The following SRSF12 variants were observed in gnomAD, a reference collection of about 807,000 sequenced individuals.
SRSF12 encodes the protein serine/arginine-rich splicing factor 12.
Under a neutral mutation model 34.1 loss-of-function variants are expected in SRSF12, and 21 were observed. The observed-to-expected ratio is 0.62, with a 90% confidence interval of 0.44 to 0.89. The LOEUF (loss-of-function observed/expected upper bound fraction) is 0.89, where lower values mean the gene tolerates loss of function less well. SRSF12 is among the 40% of genes least tolerant of loss of function. The probability of loss-of-function intolerance (pLI) is 0.00; values close to 1 mark genes in which losing one functional copy is unlikely to be tolerated. For synonymous variants in SRSF12, 111 were observed against 110.8 expected (o/e 1.00, Z -0.01); for missense variants, 278 against 327.8 (o/e 0.85, Z 1.17).
At chr6:89,107,382 G>GT in intron 1 of SRSF12, 124 bp from the exon 2 acceptor site, 2 of 694,924 alleles carry the variant, frequency 2.9e-6, no homozygotes, top group Non-Finnish European at 4.8e-6. Flanking sequence ...ATCTAAAATT[G>GT]TTTTTTGTAA....
chr6:89,098,951 C>T lies in SRSF12; in HGVS notation c.417-4G>A. ...AGAAAATCGCCTGTGTCGAGACCTG[C>T]AAACATCCATAATGTTAGAGCATAT... On this transcript the variant is annotated splice_polypyrimidine_tract_variant and splice_region_variant and intron_variant, in intron 4 of 4. Transcript: ENST00000452027. The T allele has an allele frequency of 6.2e-7, 1 of 1,608,762 alleles. No individual in the cohort carries two copies. The highest frequency in any genetic ancestry group is 8.5e-7 in the Non-Finnish European group (1 of 1,177,350).
chr6:89,104,839 G>C (rs1177285915), intron 4 of SRSF12, among the ~76,000 whole-genome samples: 1 of 152,050 alleles, frequency 6.6e-6, no homozygotes, highest in African/African-American at 2.4e-5. Flanking sequence ...GAACACTTGA[G>C]CCCAGGAATT....
intron 1 of SRSF12, among the ~76,000 whole-genome samples, chr6:89,117,146 G>A (rs564627161): frequency 1.3e-5 from 2 of 152,126 alleles, no homozygotes; most frequent in Non-Finnish European, 2.9e-5. Flanking sequence ...CAACGGAGGG[G>A]TGGGGCATCA....
At position 89,118,066 on chromosome 6, in the gene SRSF12, C is replaced by T; in HGVS notation, c.-179G>A. The T allele has an allele frequency of 3.6e-6, 1 of 274,784 alleles. No homozygotes were observed. 17.0% of individuals were successfully genotyped at this position (274,784 alleles called of 1,614,324 possible). A position where few individuals can be genotyped will look rare whatever the true frequency, so the allele number is the denominator to read the frequency against. On this transcript the variant is annotated 5_prime_UTR_variant, in exon 1 of 5. Coordinates refer to ENST00000452027, the MANE Select transcript of SRSF12 (RefSeq NM_080743.5). ...GCGCAGAGGGGGCGCAGCGCGGCGC[C>T]AGCCTGGACGCACGGGCCGGGGGCG...
rs910671889 is a variant in SRSF12, at chr6:89,097,365, C to T, written c.*1213G>A. On this transcript the variant is annotated 3_prime_UTR_variant, in exon 5 of 5. Coordinates refer to ENST00000452027, the MANE Select transcript of SRSF12 (RefSeq NM_080743.5). The stretch of plus-strand genomic sequence containing the variant: ...AAAACCCTTTGAAAAACATAAACTA[C>T]AACACATTTTCAAAGAAATTATTAG... 1.3e-5 allele frequency: 2 copies of T among 152,090 alleles called. No individual in the cohort carries two copies. 9.4% of individuals were successfully genotyped at this position (152,090 alleles called of 1,614,324 possible). A position where few individuals can be genotyped will look rare whatever the true frequency, so the allele number is the denominator to read the frequency against.
chr6:89,114,043 T>C (rs1769179344), intron 1 of SRSF12, among the ~76,000 whole-genome samples: 1 of 152,224 alleles, frequency 6.6e-6, no homozygotes, highest in Non-Finnish European at 1.5e-5. Context: ...CATGTGATGA[T>C]TCTAATTTCA....
At chr6:89,099,443 C>CATATATATGTGTGTATATATACACACAT (rs1768421466) in intron 4 of SRSF12, among the ~76,000 whole-genome samples, 4 of 138,748 alleles carry the variant, frequency 2.9e-5, no homozygotes, top group African/African-American at 1.2e-4. Context: ...TATATATACA[C>CATATATATGTGTGTATATATACACACAT]ATATATATGT....
At chr6:89,099,426 G>C (rs28375201) in intron 4 of SRSF12, among the ~76,000 whole-genome samples, 1 of 140,226 alleles carries the variant, frequency 7.1e-6, no homozygotes, top group Admixed American at 7.0e-5. Context: ...ATATATATAT[G>C]TGTGTATATA....
chr6:89,097,239 T>A lies in SRSF12; in HGVS notation c.*1339A>T, dbSNP rs1335348216. ...TACTAACTGTATGGATTGAGAACTTTGAAGTTTTCATAATGTAAGTCACAA... is the reference window on the plus strand; with the variant it reads ...TACTAACTGTATGGATTGAGAACTTAGAAGTTTTCATAATGTAAGTCACAA... On this transcript the variant is annotated 3_prime_UTR_variant, in exon 5 of 5. Transcript: ENST00000452027. 1 of 152,200 alleles carries A rather than the reference T, an allele frequency of 6.6e-6. No individual in the cohort carries two copies. Among genetic ancestry groups the A allele is most frequent in the Non-Finnish European group, 1.5e-5 (1 of 68,032 alleles). The allele number at this position is 152,200 out of a possible 1,614,324, so 9.4% of individuals were successfully genotyped here.
At chr6:89,106,119 T>C (rs538905193) in intron 2 of SRSF12, among the ~76,000 whole-genome samples, 67 of 19,944 alleles carry the variant, frequency 3.4e-3, no homozygotes, top group East Asian at 0.02. Context: ...TTTAAATGTT[T>C]ATGTTTTTTT....
chr6:89,099,448 ATATG>A (rs1458465717), intron 4 of SRSF12, among the ~76,000 whole-genome samples: 2 of 144,378 alleles, frequency 1.4e-5, no homozygotes, highest in African/African-American at 2.6e-5. Context: ...ATACACATAT[ATATG>A]TGTGTATATA....
Position 89,115,614 on chromosome 6 carries a change from G to A in SRSF12, c.65+2209C>T, listed in dbSNP as rs374654940. On this transcript the variant is annotated intron_variant, in intron 1 of 4. Coordinates refer to ENST00000452027, the MANE Select transcript of SRSF12 (RefSeq NM_080743.5). ...TTACAGCTTTCAAATCTACAAATGG[G>A]GTTTTCTTTTTTCTTTCTTTTTTTT... 1.9e-3 allele frequency among the ~76,000 whole-genome samples: 281 copies of A among 150,590 alleles called. 3 individuals are homozygous for A. Among genetic ancestry groups the A allele is most frequent in the African/African-American group, 6.2e-3 (254 of 41,060 alleles).
rs1044880535 is a variant in SRSF12, at chr6:89,096,964, G to A, written c.*1614C>T. On this transcript the variant is annotated 3_prime_UTR_variant, in exon 5 of 5. Coordinates refer to ENST00000452027, the MANE Select transcript of SRSF12 (RefSeq NM_080743.5). ...TTTTATTATAGCGGAATAATTCAAA[G>A]AGTTGTAGTTTTGAAATAAATTTTG... 2.0e-5 allele frequency: 3 copies of A among 152,170 alleles called. No homozygotes were observed. The highest frequency in any genetic ancestry group is 2.0e-4 in the Admixed American group (3 of 15,280). The allele number at this position is 152,170 out of a possible 1,614,324, so 9.4% of individuals were successfully genotyped here. A position where few individuals can be genotyped will look rare whatever the true frequency, so the allele number is the denominator to read the frequency against.
rs766729779 is a variant in SRSF12 at position 89,117,863 on chromosome 6, T to TG, written c.24dup (p.Asn9GlnfsTer16). On this transcript the variant is annotated frameshift_variant, in exon 1 of 5. Transcript: ENST00000452027. LOFTEE classifies it high-confidence loss of function. ...ACGTTCCTGATGAACAGGGAGGTGT[T>TG]GGGGGGCCTCGTGTAGCGAGACATG... 2.6e-6 allele frequency: 4 copies of TG among 1,562,072 alleles called. No individual in the cohort carries two copies. The highest frequency in any genetic ancestry group is 2.6e-5 in the East Asian group (1 of 37,870).
rs1768289928 is a variant in SRSF12, at chr6:89,096,447, G to GTA, written c.*2130_*2131insTA. 6.6e-6 allele frequency: 1 copy of GTA among 152,188 alleles called. No homozygotes were observed. The allele number at this position is 152,188 out of a possible 1,614,324, so 9.4% of individuals were successfully genotyped here. On this transcript the variant is annotated 3_prime_UTR_variant, in exon 5 of 5. Coordinates refer to ENST00000452027, the MANE Select transcript of SRSF12 (RefSeq NM_080743.5). Reference sequence around the variant, plus strand: ...CTTAAGACATATAGAACAGTGCCAAGCATGTACTAAATGCTCAAAAGAGTT... The same window carrying GTA: ...CTTAAGACATATAGAACAGTGCCAAGTACATGTACTAAATGCTCAAAAGAGTT...
At chr6:89,099,000 G>A in intron 4 of SRSF12, 53 bp from the exon 5 acceptor site, 1 of 1,518,858 alleles carries the variant, frequency 6.6e-7, no homozygotes, top group Non-Finnish European at 8.8e-7. Flanking sequence ...TAAGAGATCA[G>A]GAAATAACAC....
chr6:89,110,103 T>G (rs1015147832), intron 1 of SRSF12, among the ~76,000 whole-genome samples: 1 of 151,842 alleles, frequency 6.6e-6, no homozygotes, highest in African/African-American at 2.4e-5. Flanking sequence ...AAAAAAAAAA[T>G]TATTTTCTCC....
In SRSF12 at chr6:89,098,503, A is replaced by G. The variant is rs1768357291; in HGVS notation, c.*75T>C. 6 of 1,490,702 alleles carry G rather than the reference A, an allele frequency of 4.0e-6. No individual in the cohort carries two copies. In the East Asian group the frequency reaches 1.2e-4, roughly 29 times the overall value. The allele number at this position is 1,490,702 out of a possible 1,614,324, so 92.3% of individuals were successfully genotyped here. A position where few individuals can be genotyped will look rare whatever the true frequency, so the allele number is the denominator to read the frequency against. ...TCAACTCGCATTTTCTGTATGCCTT[A>G]AAGAATTTTTATTTAACATAATGAG... On this transcript the variant is annotated 3_prime_UTR_variant, in exon 5 of 5. Transcript: ENST00000452027.
intron 2 of SRSF12, among the ~76,000 whole-genome samples, chr6:89,106,206 AG>A (rs1768775232): frequency 6.6e-6 from 1 of 152,116 alleles, no homozygotes; most frequent in Admixed American, 6.6e-5. Flanking sequence ...CTGTAAGCCC[AG>A]GTTCAAGAGA....
Sources: allele counts gnomAD v4.1 joint callset (sites outside exome capture counted in the v4.1 genomes callset), GRCh38; gene constraint gnomAD v4.1.1; transcripts MANE v1.5; gene names NCBI Gene and HGNC (gene_info 2026-07-23, HGNC 2026-07-21).